The following SSBP3 variants were observed in gnomAD, a reference collection of about 807,000 sequenced individuals.
SSBP3 encodes the protein single-stranded DNA-binding protein 3.
In SSBP3, 5 loss-of-function variants were observed where a neutral mutation model predicts 69.6. The observed-to-expected ratio is 0.07, with a 90% CI of 0.04 to 0.15. The LOEUF (loss-of-function observed/expected upper bound fraction) is 0.15. SSBP3 is among the 10% of genes least tolerant of loss of function. SSBP3 has a pLI of 1.00. For synonymous variants in SSBP3, 196 were observed against 193.4 expected (o/e 1.01, Z -0.11); for missense variants, 312 against 534.0 (o/e 0.58, Z 4.10).
intron 4 of SSBP3, chr1:54,356,705 C>T (rs1646873621): frequency 6.6e-6 from 1 of 152,286 alleles, no homozygotes; most frequent in Admixed American, 6.5e-5. Flanking sequence ...AGGGAGCCGA[C>T]ATCCAAAGGG....
At chr1:54,348,241 GGGGGGC>G (rs1259063114) in intron 4 of SSBP3, among the ~76,000 whole-genome samples, 12 of 94,784 alleles carry the variant, frequency 1.3e-4, no homozygotes, top group Admixed American at 2.0e-4. Flanking sequence ...TAGAAGGCAT[GGGGGGC>G]GGGGGGGGGG....
At chr1:54,367,378 A>G (rs1367279759) in intron 4 of SSBP3, among the ~76,000 whole-genome samples, 2 of 152,236 alleles carry the variant, frequency 1.3e-5, no homozygotes, top group Non-Finnish European at 2.9e-5. Flanking sequence ...TTGTCTCTGT[A>G]GTCCAATCTG....
At chr1:54,239,836 G>A (rs1025477576) in intron 13 of SSBP3, among the ~76,000 whole-genome samples, 1 of 152,210 alleles carries the variant, frequency 6.6e-6, no homozygotes, top group Non-Finnish European at 1.5e-5. Context: ...GAGCCGAGGA[G>A]GGGGCGGGGG....
intron 13 of SSBP3, 111 bp from the exon 14 acceptor site, chr1:54,239,310 CTAAG>C: frequency 1.3e-6 from 1 of 783,338 alleles, no homozygotes; most frequent in Non-Finnish European, 2.0e-6. Flanking sequence ...AAAATTTCCT[CTAAG>C]TACCACCATT....
intron 4 of SSBP3, among the ~76,000 whole-genome samples, chr1:54,370,943 G>A (rs930503617): frequency 6.6e-6 from 1 of 151,880 alleles, no homozygotes; most frequent in African/African-American, 2.4e-5. Flanking sequence ...TCTTAGCACT[G>A]TGCCGTAAGC....
intron 5 of SSBP3, among the ~76,000 whole-genome samples, chr1:54,280,084 C>A (rs1360604950): frequency 1.3e-5 from 2 of 152,228 alleles, no homozygotes; most frequent in Non-Finnish European, 2.9e-5. Context: ...GGCCATCCTG[C>A]ATCCCTCTCT....
chr1:54,376,857 G>A (rs1647256822), intron 4 of SSBP3, among the ~76,000 whole-genome samples: 2 of 152,162 alleles, frequency 1.3e-5, no homozygotes, highest in African/African-American at 4.8e-5. Context: ...TGTCCCAACT[G>A]AGGCCTAGGG....
At chr1:54,295,761 C>G (rs1315817500) in intron 4 of SSBP3, among the ~76,000 whole-genome samples, 1 of 152,220 alleles carries the variant, frequency 6.6e-6, no homozygotes, top group Non-Finnish European at 1.5e-5. Context: ...ACAGGGGACA[C>G]TAGCTGGTCC....
chr1:54,396,204 A>AAAAAAAAAAAAG (rs1557591450), intron 4 of SSBP3, among the ~76,000 whole-genome samples: 1 of 148,328 alleles, frequency 6.7e-6, no homozygotes, highest in African/African-American at 2.5e-5. Flanking sequence ...AAAAAAAAAA[A>AAAAAAAAAAAAG]AAAAAAAAAA....
At chr1:54,363,258 G>C (rs1646977953) in intron 4 of SSBP3, among the ~76,000 whole-genome samples, 2 of 152,106 alleles carry the variant, frequency 1.3e-5, no homozygotes, top group African/African-American at 2.4e-5. Flanking sequence ...TAACCACACA[G>C]TGCCTTGTTT....
chr1:54,299,497 G>A (rs986044122), intron 4 of SSBP3, among the ~76,000 whole-genome samples: 1 of 123,712 alleles, frequency 8.1e-6, no homozygotes, highest in African/African-American at 3.4e-5. Context: ...TTTGGATAGA[G>A]GTGGCTTTTT....
At chr1:54,362,728 G>T (rs1206802385) in intron 4 of SSBP3, among the ~76,000 whole-genome samples, 3 of 152,194 alleles carry the variant, frequency 2.0e-5, no homozygotes, top group Non-Finnish European at 4.4e-5. Context: ...TTTTATTCAT[G>T]TAAGTTCTAG....
At position 54,281,535 on chromosome 1, in the gene SSBP3, GACA is replaced by G; in HGVS notation, c.277-11_277-9del. 3.2e-6 allele frequency: 5 copies of G among 1,558,058 alleles called. No homozygotes were observed. The highest frequency in any genetic ancestry group is 3.5e-6 in the Non-Finnish European group (4 of 1,150,746). On this transcript the variant is annotated splice_polypyrimidine_tract_variant and intron_variant, in intron 4 of 17. Transcript: ENST00000610401. ...CGGGGCAGCTGCTGCACTCTGTGGA[GACA>G]ACAAGGCAGAGAGTTAGTGGCCAAA...
upstream of SSBP3, among the ~76,000 whole-genome samples, chr1:54,410,796 G>C (rs1649968488): frequency 6.6e-6 from 1 of 152,206 alleles, no homozygotes; most frequent in Non-Finnish European, 1.5e-5. Context: ...AGGACAAAGA[G>C]AGGTAAGTGA....
upstream of SSBP3, among the ~76,000 whole-genome samples, chr1:54,409,267 C>T (rs1649927760): frequency 6.6e-6 from 1 of 152,106 alleles, no homozygotes; most frequent in East Asian, 1.9e-4. Flanking sequence ...TCCACAAAAA[C>T]CTCCCTGCTT....
chr1:54,367,608 G>A (rs548997400), intron 4 of SSBP3, among the ~76,000 whole-genome samples: 6 of 152,318 alleles, frequency 3.9e-5, no homozygotes, highest in Admixed American at 6.5e-5. Context: ...AAGGCAGCAC[G>A]GCAAGCTACA....
At chr1:54,341,467 A>G (rs569271345) in intron 4 of SSBP3, among the ~76,000 whole-genome samples, 1 of 152,134 alleles carries the variant, frequency 6.6e-6, no homozygotes, top group Non-Finnish European at 1.5e-5. Context: ...AACTGCATCC[A>G]TGGGCCAAAG....
chr1:54,273,260 G>A (rs1436031586), intron 5 of SSBP3, among the ~76,000 whole-genome samples: 5 of 152,236 alleles, frequency 3.3e-5, no homozygotes, highest in Admixed American at 6.5e-5. Flanking sequence ...TGGAGTTCAC[G>A]TTTTTCAGAG....
At chr1:54,360,180 C>CA (rs1222048362) in intron 4 of SSBP3, among the ~76,000 whole-genome samples, 2 of 152,114 alleles carry the variant, frequency 1.3e-5, no homozygotes, top group African/African-American at 2.4e-5. Flanking sequence ...CAGTTCAACC[C>CA]AAAAAACATT....
Sources: allele counts gnomAD v4.1 joint callset (sites outside exome capture counted in the v4.1 genomes callset), GRCh38; gene constraint gnomAD v4.1.1; transcripts MANE v1.5; gene names NCBI Gene and HGNC (gene_info 2026-07-23, HGNC 2026-07-21).